The following WLS variants were observed in gnomAD, a reference collection of about 807,000 sequenced individuals.
WLS encodes protein wntless homolog.
A neutral mutation model predicts 62.8 loss-of-function variants in WLS; 23 were observed. That is an observed-to-expected ratio of 0.37 (90% CI 0.26 to 0.52). The LOEUF (loss-of-function observed/expected upper bound fraction) is 0.52, where lower values mean the gene tolerates loss of function less well. WLS is among the 20% of genes least tolerant of loss of function. The pLI is 0.92. For synonymous variants in WLS, 246 were observed against 244.1 expected (o/e 1.01, Z -0.07); for missense variants, 615 against 697.3 (o/e 0.88, Z 1.33).
intron 1 of WLS, chr1:68,231,693 C>A: frequency 2.2e-6 from 1 of 457,138 alleles, no homozygotes; most frequent in South Asian, 1.6e-5. Context: ...CGACCAAATG[C>A]ATTTACAACC....
At chr1:68,179,531 G>A (rs1158260120) in intron 2 of WLS, among the ~76,000 whole-genome samples, 2 of 152,098 alleles carry the variant, frequency 1.3e-5, no homozygotes, top group Admixed American at 6.5e-5. Flanking sequence ...TGAAATAAAC[G>A]TTGTCTTAAT....
chr1:68,133,977 G>T (rs1383943620), intron 11 of WLS, among the ~76,000 whole-genome samples: 1 of 152,182 alleles, frequency 6.6e-6, no homozygotes, highest in Admixed American at 6.5e-5. Context: ...TGAATTCCTA[G>T]CTCTGAAGCT....
chr1:68,131,174 G>A lies in WLS; in HGVS notation c.1517-4839C>T, dbSNP rs549147963. Among the ~76,000 whole-genome samples the A allele has an allele frequency of 1.3e-4, 20 of 150,872 alleles. 1 individual carries two copies. Among genetic ancestry groups the A allele is most frequent in the Admixed American group, 7.9e-4 (12 of 15,158 alleles). ...GATCCACCTGCCTTGGACTCCCAAAGTGCTGGGATTACAGGCGTGAGCCAC... is the reference window on the plus strand; with the variant it reads ...GATCCACCTGCCTTGGACTCCCAAAATGCTGGGATTACAGGCGTGAGCCAC... On this transcript the variant is annotated intron_variant, in intron 11 of 11. Transcript: ENST00000262348.
chr1:68,186,718 C>G, intron 2 of WLS: 1 of 453,924 alleles, frequency 2.2e-6, no homozygotes, highest in Admixed American at 2.4e-5. Context: ...ATTCTTAATA[C>G]CAAAATCAGA....
At chr1:68,104,529 T>C (rs1039658960) in intron 11 of WLS, among the ~76,000 whole-genome samples, 8 of 152,202 alleles carry the variant, frequency 5.3e-5, no homozygotes, top group Non-Finnish European at 8.8e-5. Context: ...AGCCCAGCTC[T>C]ATTGGGACTA....
At chr1:68,153,462 T>G (rs942258489) in intron 5 of WLS, 55 bp downstream of exon 5, 5 of 1,608,898 alleles carry the variant, frequency 3.1e-6, no homozygotes, top group Non-Finnish European at 4.2e-6. Flanking sequence ...AGCAAGAGCT[T>G]GGCAGATCAT....
At position 68,161,217 on chromosome 1, in the gene WLS, G is replaced by A. The variant is rs548901035; in HGVS notation, c.380-1970C>T. On this transcript the variant is annotated intron_variant, in intron 2 of 11. Transcript: ENST00000262348. ...GTTCAGATGTGAGAGATGCTTCTCT[G>A]TACAGGAGCCTGTACTGTCTTCAAT... is the stretch of plus-strand genomic sequence containing the variant. Among the ~76,000 whole-genome samples the A allele has an allele frequency of 2.2e-4, 34 of 152,230 alleles. 1 individual carries two copies. The highest frequency in any genetic ancestry group is 1.4e-3 in the East Asian group (7 of 5,178).
chr1:68,139,884 C>G (rs951121633), intron 10 of WLS, among the ~76,000 whole-genome samples: 22 of 152,342 alleles, frequency 1.4e-4, no homozygotes, highest in Middle Eastern at 3.4e-3. Context: ...CAAAGTATTG[C>G]AGTCCACAAG....
chr1:68,209,314 A>G (rs1267912500), intron 1 of WLS, among the ~76,000 whole-genome samples: 1 of 152,228 alleles, frequency 6.6e-6, no homozygotes, highest in Non-Finnish European at 1.5e-5. Context: ...GTTTCCAACT[A>G]CAGAGATTCC....
intron 1 of WLS, among the ~76,000 whole-genome samples, chr1:68,219,378 T>C (rs1158040696): frequency 6.6e-6 from 1 of 152,204 alleles, no homozygotes; most frequent in African/African-American, 2.4e-5. Context: ...CACAATATAA[T>C]GGAAAAACGT....
At chr1:68,102,988 T>C (rs1646098153) in intron 11 of WLS, among the ~76,000 whole-genome samples, 1 of 152,114 alleles carries the variant, frequency 6.6e-6, no homozygotes, top group Non-Finnish European at 1.5e-5. Context: ...TCTGAACCCT[T>C]TTTTTTGCCG....
At chr1:68,191,387 G>C (rs900869025) in intron 2 of WLS, among the ~76,000 whole-genome samples, 1 of 152,070 alleles carries the variant, frequency 6.6e-6, no homozygotes, top group Admixed American at 6.6e-5. Context: ...GAATAGAAAT[G>C]CTAAAACCCA....
rs542010922 is a variant in WLS at position 68,129,944 on chromosome 1, A to G, written c.1517-3609T>C. Among the ~76,000 whole-genome samples, 4 of 152,378 alleles carry G rather than the reference A, an allele frequency of 2.6e-5. No individual in the cohort carries two copies. The South Asian group carries it at 8.3e-4, about 32-fold the overall frequency. ...CTGGTTATGATGTCAAATTCATCAC[A>G]GCTCATTAACAATTAGATGACGGTC... On this transcript the variant is annotated intron_variant, in intron 11 of 11. Coordinates refer to ENST00000262348, the MANE Select transcript of WLS (RefSeq NM_024911.7).
At chr1:68,231,836 G>A (rs1428087934) in intron 1 of WLS, 1 of 416,936 alleles carries the variant, frequency 2.4e-6, no homozygotes, top group Non-Finnish European at 4.4e-6. Context: ...GAGAGGAAAA[G>A]GGGGGGAACG....
At chr1:68,203,776 C>A (rs1006527874) in intron 1 of WLS, among the ~76,000 whole-genome samples, 3 of 152,126 alleles carry the variant, frequency 2.0e-5, no homozygotes, top group Admixed American at 1.3e-4. Context: ...GACTCCAGAG[C>A]AACCTATGGA....
rs747919046 is a variant in WLS at position 68,137,892 on chromosome 1, T to A, written c.1404A>T (p.Gln468His). Residue 468 changes from glutamine (Q) to histidine (H), a missense_variant, in exon 11 of 12, where the codon CAA becomes CAT. Physicochemically the swap from Gln to His is conservative, Grantham distance 24. Coordinates refer to ENST00000262348, the MANE Select transcript of WLS (RefSeq NM_024911.7). ...GHWKWGGVTV[Q>H]VNSAFFTGIY... Reference sequence around the variant, plus strand: ...TGCCTGTGAAAAAGGCACTGTTCACTTGGACTGTGACGCCGCCCCATTTCC... The same window carrying A: ...TGCCTGTGAAAAAGGCACTGTTCACATGGACTGTGACGCCGCCCCATTTCC... 1 of 1,613,994 alleles carries A rather than the reference T, an allele frequency of 6.2e-7. No individual in the cohort carries two copies. The highest frequency in any genetic ancestry group is 1.7e-5 in the Admixed American group (1 of 60,016).
intron 1 of WLS, among the ~76,000 whole-genome samples, chr1:68,199,374 C>T (rs1332099818): frequency 1.3e-5 from 2 of 152,076 alleles, no homozygotes; most frequent in Admixed American, 6.6e-5. Context: ...GCACAGGATG[C>T]TCCAGTTGTA....
chr1:68,191,700 C>T, intron 2 of WLS, among the ~76,000 whole-genome samples: 1 of 152,138 alleles, frequency 6.6e-6, no homozygotes, highest in East Asian at 1.9e-4. Flanking sequence ...AGTGAGTGAA[C>T]AAGTGAGTCA....
chr1:68,107,097 A>ATT (rs1224858831), intron 11 of WLS, among the ~76,000 whole-genome samples: 2 of 152,198 alleles, frequency 1.3e-5, no homozygotes, highest in Admixed American at 6.5e-5. Context: ...GTTGGTATCG[A>ATT]TTAATGTGTC....
Sources: gnomAD v4.1 joint callset for allele counts (sites outside exome capture counted in the v4.1 genomes callset) on GRCh38, gnomAD v4.1.1 for gene constraint, MANE v1.5 for transcripts, NCBI Gene and HGNC (gene_info 2026-07-23, HGNC 2026-07-21) for gene names.